Variants in PDE4A observed in about 807,000 individuals in gnomAD.
PDE4A encodes phosphodiesterase 4A.
PDE4A carries 21 observed loss-of-function variants against 73.9 expected under a neutral mutation model. That is an observed-to-expected ratio of 0.28 (90% CI 0.20 to 0.41). The LOEUF (loss-of-function observed/expected upper bound fraction) is 0.41. Among genes scored for constraint, PDE4A ranks in the 10% least tolerant of loss-of-function variants. The pLI is 1.00. For synonymous variants in PDE4A, 463 were observed against 505.4 expected (o/e 0.92, Z 1.13); for missense variants, 958 against 1,211.4 (o/e 0.79, Z 3.10).
upstream of PDE4A, among the ~76,000 whole-genome samples, chr19:10,418,351 T>A (rs2042607599): frequency 6.6e-6 from 1 of 152,138 alleles, no homozygotes; most frequent in Non-Finnish European, 1.5e-5. Context: ...CTGGGGACCT[T>A]CCAGGTACCC....
Position 10,467,695 on chromosome 19 carries a change from G to A in PDE4A, c.*74G>A. On this transcript the variant is annotated 3_prime_UTR_variant, in exon 15 of 15. Transcript: ENST00000380702. ...TGCTCCCCCGACCACCTCCTCCTCT[G>A]CCTCAAAGACTCTTGTCCTCTTGTC... The A allele has an allele frequency of 8.7e-7, 1 of 1,151,294 alleles. No individual in the cohort carries two copies. Among genetic ancestry groups the A allele is most frequent in the Non-Finnish European group, 1.2e-6 (1 of 813,458 alleles). The allele number at this position is 1,151,294 out of a possible 1,614,324, so 71.3% of individuals were successfully genotyped here.
intron 6 of PDE4A, among the ~76,000 whole-genome samples, chr19:10,451,180 C>G (rs1036169660): frequency 6.6e-6 from 1 of 151,894 alleles, no homozygotes; most frequent in African/African-American, 2.4e-5. Flanking sequence ...GGCCTGTAGC[C>G]GAGGCCAACT....
At chr19:10,432,402 C>G (rs1390864714) in intron 1 of PDE4A, 1 of 1,373,524 alleles carries the variant, frequency 7.3e-7, no homozygotes, top group African/African-American at 1.5e-5. Flanking sequence ...GCCGCCGTCC[C>G]CATGCGCGCC....
At chr19:10,457,732 ACT>A in intron 7 of PDE4A, 145 bp from the exon 8 acceptor site, 3 of 1,426,888 alleles carry the variant, frequency 2.1e-6, no homozygotes, top group Non-Finnish European at 2.8e-6. Flanking sequence ...TGGTTTCCTG[ACT>A]CTGAGTAGCC....
At chr19:10,446,175 G>A in intron 1 of PDE4A, 43 bp from the exon 2 acceptor site, 1 of 1,539,714 alleles carries the variant, frequency 6.5e-7, no homozygotes, top group Non-Finnish European at 8.8e-7. Context: ...CTCCCTAATA[G>A]CGTTTCAGCC....
intron 1 of PDE4A, among the ~76,000 whole-genome samples, chr19:10,432,278 C>T (rs1438201370): frequency 6.6e-6 from 1 of 151,480 alleles, no homozygotes; most frequent in Non-Finnish European, 1.5e-5. Context: ...GACCCGGGAA[C>T]GCTCGACCGC....
chr19:10,465,310 T>A (rs2043347763), intron 14 of PDE4A, among the ~76,000 whole-genome samples: 1 of 151,512 alleles, frequency 6.6e-6, no homozygotes, highest in South Asian at 2.1e-4. Context: ...AACCTCCGCC[T>A]CTCGGGTTCA....
intron 10 of PDE4A, among the ~76,000 whole-genome samples, chr19:10,460,234 C>A (rs1398066165): frequency 6.6e-6 from 1 of 151,884 alleles, no homozygotes; most frequent in African/African-American, 2.4e-5. Context: ...TGCGGTGGCT[C>A]ACACCTGTAA....
chr19:10,446,302 C>A lies in PDE4A; in HGVS notation c.405C>A (p.Ala135=), dbSNP rs199755060. 6.2e-7 allele frequency: 1 copy of A among 1,611,890 alleles called. No homozygotes were observed. The part of the protein sequence containing the change: ...SQASPGLVLH[A]GAATSQRRES... Reference sequence around the variant, plus strand: ...CGAGCCCAGGACTCGTGCTGCACGCCGGGGCGGCCACCAGCCAGCGCCGGG... The same window carrying A: ...CGAGCCCAGGACTCGTGCTGCACGCAGGGGCGGCCACCAGCCAGCGCCGGG... Residue 135 remains alanine (A), a synonymous_variant, in exon 2 of 15, where the codon GCC becomes GCA. Coordinates refer to ENST00000380702, the MANE Select transcript of PDE4A (RefSeq NM_001111307.2).
At position 10,420,964 on chromosome 19, in the gene PDE4A, G is replaced by T; in HGVS notation, c.200G>T (p.Arg67Leu). 6.4e-7 allele frequency: 1 copy of T among 1,555,718 alleles called. No homozygotes were observed. The highest frequency in any genetic ancestry group is 8.6e-7 in the Non-Finnish European group (1 of 1,159,912). The change falls in exon 1 of 15, where the codon CGC becomes CTC. Residue 67 changes from arginine (R) to leucine (L), a missense_variant. By Grantham distance (102) the Arg-to-Leu change is moderately radical. Transcript: ENST00000380702. The surrounding 1 kb of genome is among the most constrained non-coding windows in gnomAD (Gnocchi z 6.0). The part of the protein sequence containing the change: ...RERQPHRPIE[R>L]ADAMDTSDRP... ...CGGCAGCCGCACCGGCCCATAGAGC[G>T]CGCCGATGCCATGGACACCAGCGAC... is the stretch of plus-strand genomic sequence containing the variant.
Position 10,424,540 on chromosome 19 carries a change from C to G in PDE4A, c.320+3456C>G, listed in dbSNP as rs1351223485. Among the ~76,000 whole-genome samples, 3 of 152,220 alleles carry G rather than the reference C, an allele frequency of 2.0e-5. No homozygotes were observed. The highest frequency in any genetic ancestry group is 4.4e-5 in the Non-Finnish European group (3 of 68,034). ...TGTGCGCTCCGAGCGCGGACCTGCT[C>G]CAGGGACGCCGCCAGTCCCGGAGCA... On this transcript the variant is annotated intron_variant, in intron 1 of 14. Coordinates refer to ENST00000380702, the MANE Select transcript of PDE4A (RefSeq NM_001111307.2). The surrounding 1 kb of genome is among the most constrained non-coding windows in gnomAD (Gnocchi z 4.8).
chr19:10,442,714 T>C (rs909771958), intron 1 of PDE4A, among the ~76,000 whole-genome samples: 2 of 150,332 alleles, frequency 1.3e-5, no homozygotes, highest in Admixed American at 1.3e-4. Flanking sequence ...TATTACATAT[T>C]ACCTTATTAC....
intron 1 of PDE4A, among the ~76,000 whole-genome samples, chr19:10,437,807 GT>G (rs35319180): frequency 7.7e-4 from 98 of 128,014 alleles, no homozygotes; most frequent in East Asian, 1.1e-3. Context: ...CTCCAGGACT[GT>G]TTTTTTTTTT....
At chr19:10,418,694 C>G (rs2042610456), upstream of PDE4A, 1 of 926,350 alleles carries the variant, frequency 1.1e-6, no homozygotes, top group African/African-American at 1.8e-5. Flanking sequence ...CACCGCTCCT[C>G]GTTTCCTCCT....
chr19:10,459,395 A>G lies in PDE4A; in HGVS notation c.1102-5A>G. The G allele has an allele frequency of 6.2e-7, 1 of 1,614,170 alleles. No individual in the cohort carries two copies. Among genetic ancestry groups the G allele is most frequent in the Non-Finnish European group, 8.5e-7 (1 of 1,180,034 alleles). ...CTTCTGACCTCTGGCCTCCGTCTCC[A>G]CCAGGAACTGGAGAACCTGAACAAG... On this transcript the variant is annotated splice_region_variant and splice_polypyrimidine_tract_variant and intron_variant, in intron 8 of 14. Transcript: ENST00000380702.
At chr19:10,416,979 AC>A (rs1243596900), upstream of PDE4A, 1 of 1,541,552 alleles carries the variant, frequency 6.5e-7, no homozygotes, top group Admixed American at 1.9e-5. Context: ...CGTGGCAGGG[AC>A]CGGGGACGAG....
At position 10,427,407 on chromosome 19, in the gene PDE4A, G is replaced by A. The variant is rs138847780; in HGVS notation, c.320+6323G>A. 2.0e-3 allele frequency: 1,627 copies of A among 803,490 alleles called. 3 individuals are homozygous for A. The highest frequency in any genetic ancestry group is 2.2e-3 in the Non-Finnish European group (1,474 of 663,896). The allele number at this position is 803,490 out of a possible 1,614,324, so 49.8% of individuals were successfully genotyped here. On this transcript the variant is annotated intron_variant, in intron 1 of 14. Coordinates refer to ENST00000380702, the MANE Select transcript of PDE4A (RefSeq NM_001111307.2). ...CCTGTGGTGGGAGTGTGTCTGATAC[G>A]TTGGAGGCAAGTGTGTCTGAGGCAG...
chr19:10,459,837 C>A, intron 10 of PDE4A, 78 bp downstream of exon 10: 1 of 1,451,924 alleles, frequency 6.9e-7, no homozygotes, highest in Non-Finnish European at 9.3e-7. Context: ...GTCTCTCTGA[C>A]CCTGTGTCTC....
Position 10,438,116 on chromosome 19 carries a change from C to CT in PDE4A, c.321-8087dup, listed in dbSNP as rs767841992. Among the ~76,000 whole-genome samples, 357 of 130,704 alleles carry CT rather than the reference C, an allele frequency of 2.7e-3. 2 individuals carry two copies. Among genetic ancestry groups the CT allele is most frequent in the African/African-American group, 5.3e-3 (190 of 35,556 alleles). The allele number at this position is 130,704 out of a possible 152,430, so 85.7% of individuals were successfully genotyped here. On this transcript the variant is annotated intron_variant, in intron 1 of 14. Transcript: ENST00000380702. ...GAGCCACTTCACCCAGCCTCCAAGA[C>CT]TTTTTTTTTTTTTTTGAGACGGAGT...
Sources: gnomAD v4.1 joint callset for allele counts (sites outside exome capture counted in the v4.1 genomes callset) on GRCh38, gnomAD v4.1.1 for gene constraint, Gnocchi (gnomAD v3.1) non-coding constraint, MANE v1.5 for transcripts, NCBI Gene and HGNC (gene_info 2026-07-23, HGNC 2026-07-21) for gene names.